The following SGIP1 variants were observed in gnomAD, a reference collection of about 807,000 sequenced individuals.
The protein encoded by SGIP1 is SH3-containing GRB2-like protein 3-interacting protein 1.
A neutral mutation model predicts 107.5 loss-of-function variants in SGIP1; 38 were observed. The ratio of observed to expected loss-of-function variants is 0.35; its 90% confidence interval spans 0.27 to 0.46. The LOEUF is 0.46. Ranked by LOEUF, SGIP1 falls within the 20% of genes least tolerant of loss-of-function variation. The pLI is 1.00. For synonymous variants in SGIP1, 365 were observed against 366.1 expected, an observed-to-expected ratio of 1.00 and a Z score of 0.03; for missense variants, 929 against 1,019.5, an observed-to-expected ratio of 0.91 and a Z score of 1.21.
intron 1 of SGIP1, among the ~76,000 whole-genome samples, chr1:66,612,510 A>G (rs540256073): frequency 6.6e-6 from 1 of 152,368 alleles, no homozygotes; most frequent in East Asian, 1.9e-4. Flanking sequence ...TTACTTTTAT[A>G]TGATGTATAC....
intron 8 of SGIP1, among the ~76,000 whole-genome samples, chr1:66,661,057 G>A (rs1160184929): frequency 6.6e-6 from 1 of 152,140 alleles, no homozygotes. Flanking sequence ...TTTATAAAAT[G>A]TAAATTACCT....
At chr1:66,606,553 G>A (rs2066883584) in intron 1 of SGIP1, among the ~76,000 whole-genome samples, 1 of 152,116 alleles carries the variant, frequency 6.6e-6, no homozygotes, top group South Asian at 2.1e-4. Context: ...CATGACAGAG[G>A]GCTTGGCTGA....
intron 1 of SGIP1, among the ~76,000 whole-genome samples, chr1:66,565,914 G>A (rs1255462201): frequency 2.0e-5 from 3 of 151,992 alleles, no homozygotes; most frequent in African/African-American, 7.2e-5. Flanking sequence ...TAGAAAGCAG[G>A]AAATACTGAA....
intron 1 of SGIP1, among the ~76,000 whole-genome samples, chr1:66,597,486 A>G (rs763634367): frequency 2.6e-5 from 4 of 152,214 alleles, no homozygotes; most frequent in Admixed American, 6.5e-5. Context: ...AATGGGAGGT[A>G]GGGGGAGTAT....
At chr1:66,659,316 G>A (rs778494845) in intron 7 of SGIP1, among the ~76,000 whole-genome samples, 3 of 152,096 alleles carry the variant, frequency 2.0e-5, no homozygotes, top group Admixed American at 6.6e-5. Context: ...AAGTAACAGG[G>A]CATTCTGAGG....
intron 1 of SGIP1, among the ~76,000 whole-genome samples, chr1:66,586,370 T>C (rs1027870801): frequency 2.0e-5 from 3 of 152,156 alleles, no homozygotes; most frequent in African/African-American, 7.2e-5. Flanking sequence ...ACTATGGCAA[T>C]TTTTGTTTCT....
intron 1 of SGIP1, among the ~76,000 whole-genome samples, chr1:66,611,464 C>T (rs2067987196): frequency 1.3e-5 from 2 of 152,202 alleles, no homozygotes; most frequent in African/African-American, 2.4e-5. Context: ...GGCTTCACAG[C>T]CAGGGACTTT....
rs115400804 is a variant in SGIP1 at position 66,718,089 on chromosome 1, A to G, written c.1631-1205A>G. Among the ~76,000 whole-genome samples the G allele has an allele frequency of 5.2e-3, 786 of 152,290 alleles. 10 individuals are homozygous for G. Among genetic ancestry groups the G allele is most frequent in the African/African-American group, 0.017 (721 of 41,568 alleles). ...GATAAAAAAGAGACTAGCATGAACT[A>G]GAGTGATCAAGGGAAGCTTTATTGA... On this transcript the variant is annotated intron_variant, in intron 18 of 24. Transcript: ENST00000371037.
chr1:66,634,015 A>C, intron 3 of SGIP1: 1 of 1,418,638 alleles, frequency 7.0e-7, no homozygotes, highest in Non-Finnish European at 9.7e-7. Context: ...TTACCATGAA[A>C]TGTTAAGAAA....
At chr1:66,584,410 T>C (rs1393229808) in intron 1 of SGIP1, among the ~76,000 whole-genome samples, 1 of 152,174 alleles carries the variant, frequency 6.6e-6, no homozygotes, top group African/African-American at 2.4e-5. Context: ...ATCCATTCCA[T>C]TGCCTAACAG....
intron 2 of SGIP1, among the ~76,000 whole-genome samples, chr1:66,627,589 G>A (rs1364050494): frequency 1.3e-5 from 2 of 152,062 alleles, no homozygotes; most frequent in African/African-American, 4.8e-5. Context: ...TTGTCTAGAT[G>A]CCAAATGTTA....
intron 1 of SGIP1, among the ~76,000 whole-genome samples, chr1:66,537,675 A>G (rs1362756586): frequency 6.6e-6 from 1 of 152,070 alleles, no homozygotes; most frequent in African/African-American, 2.4e-5. Flanking sequence ...TAACAAGCAA[A>G]TATTTTTAAG....
At chr1:66,554,991 C>A (rs554165230) in intron 1 of SGIP1, among the ~76,000 whole-genome samples, 1 of 152,266 alleles carries the variant, frequency 6.6e-6, no homozygotes, top group Non-Finnish European at 1.5e-5. Context: ...GTTAGGAGAA[C>A]ATTAAATCAT....
intron 1 of SGIP1, among the ~76,000 whole-genome samples, chr1:66,553,630 C>T (rs916802789): frequency 6.8e-6 from 1 of 146,640 alleles, no homozygotes; most frequent in Non-Finnish European, 1.5e-5. Flanking sequence ...GAGCCAAGAT[C>T]ATATCACTGC....
At chr1:66,635,544 T>A (rs960677279) in intron 3 of SGIP1, among the ~76,000 whole-genome samples, 1 of 152,230 alleles carries the variant, frequency 6.6e-6, no homozygotes, top group Non-Finnish European at 1.5e-5. Flanking sequence ...AAGGCTTTGA[T>A]CCAGGCTAAA....
rs900079673 is a variant in SGIP1 at position 66,685,100 on chromosome 1, G to A, written c.1315+2731G>A. ...ATAAATTTAAGATTGAAACAATAGGGTATGGCCTCATGTTTTAAAGATTAG... is the reference window on the plus strand; with the variant it reads ...ATAAATTTAAGATTGAAACAATAGGATATGGCCTCATGTTTTAAAGATTAG... On this transcript the variant is annotated intron_variant, in intron 15 of 24. Transcript: ENST00000371037. Among the ~76,000 whole-genome samples the A allele has an allele frequency of 3.3e-5, 5 of 152,186 alleles. No homozygotes were observed. The East Asian group carries it at 9.6e-4, about 29-fold the overall frequency.
intron 1 of SGIP1, among the ~76,000 whole-genome samples, chr1:66,622,424 A>G (rs989360963): frequency 2.6e-5 from 4 of 152,214 alleles, no homozygotes; most frequent in Admixed American, 2.6e-4. Flanking sequence ...TTTTGACACT[A>G]TCACTATCAT....
At chr1:66,722,009 C>T (rs949938167) in intron 19 of SGIP1, among the ~76,000 whole-genome samples, 2 of 152,120 alleles carry the variant, frequency 1.3e-5, no homozygotes, top group African/African-American at 4.8e-5. Context: ...CCCTTCGAGA[C>T]TCCCCCAGCC....
intron 1 of SGIP1, among the ~76,000 whole-genome samples, chr1:66,601,819 C>T (rs997929520): frequency 1.3e-5 from 2 of 152,178 alleles, no homozygotes; most frequent in Admixed American, 1.3e-4. Flanking sequence ...CTTGTCAAGA[C>T]CCTGTAAATT....
Sources: allele counts gnomAD v4.1 joint callset (sites outside exome capture counted in the v4.1 genomes callset), GRCh38; gene constraint gnomAD v4.1.1; transcripts MANE v1.5; gene names NCBI Gene and HGNC (gene_info 2026-07-23, HGNC 2026-07-21).